CARMIL2: variants seen among roughly 807,000 people sequenced by gnomAD.
CARMIL2 encodes the protein capping protein regulator and myosin 1 linker 2, also known as capping protein, Arp2/3 and myosin-I linker protein 2.
A neutral mutation model predicts 173.3 loss-of-function variants in CARMIL2; 96 were observed. That is an observed-to-expected ratio of 0.55 (90% CI 0.47 to 0.66). CARMIL2 has a LOEUF of 0.66. Among genes scored for constraint, CARMIL2 ranks in the 30% least tolerant of loss-of-function variants. The probability of loss-of-function intolerance (pLI) is 0.00; values close to 1 mark genes in which losing one functional copy is unlikely to be tolerated. For missense variants in CARMIL2, 1,771 were observed against 1,906.7 expected (o/e 0.93, Z 1.33); for synonymous variants, 830 against 817.1 (o/e 1.02, Z -0.27).
chr16:67,649,922 A>AG lies in CARMIL2; in HGVS notation c.2038dup (p.Ala680GlyfsTer32). On this transcript the variant is annotated frameshift_variant, in exon 21 of 38. Coordinates refer to ENST00000334583, the MANE Select transcript of CARMIL2 (RefSeq NM_001013838.3). LOFTEE classifies it high-confidence loss of function. The surrounding 1 kb of genome is among the most constrained non-coding windows in gnomAD (Gnocchi z 6.7). ...CCTCTGCCACTGAACGACGTGGCCC[A>AG]GGCGCAGCGCAGCCGCCCGGAACTG... The AG allele has an allele frequency of 6.2e-7, 1 of 1,613,224 alleles. No individual in the cohort carries two copies. The highest frequency in any genetic ancestry group is 8.5e-7 in the Non-Finnish European group (1 of 1,179,830).
chr16:67,650,295 T>C, intron 22 of CARMIL2, 145 bp downstream of exon 22: 1 of 659,680 alleles, frequency 1.5e-6, no homozygotes, highest in East Asian at 2.7e-5. Flanking sequence ...CTCCTTGATC[T>C]GGAGGCGGCT....
rs2142919428 is a variant in CARMIL2, at chr16:67,648,272, G to C, written c.1292G>C (p.Ser431Thr). 4 of 1,598,986 alleles carry C rather than the reference G, an allele frequency of 2.5e-6. No homozygotes were observed. The South Asian group carries it at 4.4e-5, about 18-fold the overall frequency. The change falls in exon 14 of 38, where the codon AGC (serine) becomes ACC (threonine). Residue 431 changes from serine (S) to threonine (T), a missense_variant. Around this residue, in one of 3 missense-constraint regions of CARMIL2, gnomAD observed 944 missense variants for 975.6 expected, o/e 0.97. Transcript: ENST00000334583. The surrounding 1 kb of genome is among the most constrained non-coding windows in gnomAD (Gnocchi z 6.1). ...FAAVSRGCCT[S>T]LTHLDASRNV... ...GCGGTATCCCGAGGCTGCTGCACCA[G>C]CCTTACCCACCTCGACGCTTCGAGG...
At chr16:67,645,896 C>T in intron 3 of CARMIL2, 119 bp downstream of exon 3, 2 of 1,554,786 alleles carry the variant, frequency 1.3e-6, no homozygotes, top group Non-Finnish European at 1.8e-6. Context: ...GCACTGGGCT[C>T]TGGGCAGCCG....
chr16:67,649,198 C>T lies in CARMIL2; in HGVS notation c.1688+26C>T. 1.2e-6 allele frequency: 2 copies of T among 1,612,838 alleles called. No homozygotes were observed. Among genetic ancestry groups the T allele is most frequent in the East Asian group, 2.2e-5 (1 of 44,858 alleles). ...GTGAGCCCCCACCCTACTCCTGGGC[C>T]TCCCAGACAACACCCCACCACCCCT... On this transcript the variant is annotated intron_variant, in intron 18 of 37. Coordinates refer to ENST00000334583, the MANE Select transcript of CARMIL2 (RefSeq NM_001013838.3). This position sits in a 1 kb window ranked among gnomAD's most constrained non-coding sequence, Gnocchi z 6.7.
intron 12 of CARMIL2, 37 bp downstream of exon 12, chr16:67,647,803 T>TGGGGGGGGGGGGGGGGGGGGG: frequency 1.2e-5 from 3 of 258,356 alleles, no homozygotes; most frequent in Non-Finnish European, 1.9e-5. Flanking sequence ...GGGAGGGGGG[T>TGGGGGGGGGGGGGGGGGGGGG]GGGGGTCTGT....
Position 67,648,836 on chromosome 16 carries a change from C to T in CARMIL2, c.1510-57C>T. On this transcript the variant is annotated intron_variant, in intron 16 of 37. Transcript: ENST00000334583. The surrounding 1 kb of genome is among the most constrained non-coding windows in gnomAD (Gnocchi z 6.1). ...GGGCAGGGCCGTGGGCCGCCTGCCC[C>T]TCCCCACTCGCGGCCTAAGTGGGTC... 1.3e-6 allele frequency: 2 copies of T among 1,570,296 alleles called. No individual in the cohort carries two copies. The highest frequency in any genetic ancestry group is 1.2e-5 in the South Asian group (1 of 86,116).
At position 67,647,913 on chromosome 16, in the gene CARMIL2, C is replaced by A; in HGVS notation, c.1026C>A (p.Asp342Glu). 1.2e-6 allele frequency: 2 copies of A among 1,611,468 alleles called. No individual in the cohort carries two copies. The highest frequency in any genetic ancestry group is 1.7e-4 in the Middle Eastern group (1 of 6,036). ...AAFDSTLTHL[D>E]LSGNPGALGA... ...TCGACTCCACCCTGACCCACCTGGA[C>A]CTTTCTGGGAATCCTGGGGCGCTGG... The change falls in exon 13 of 38, where the codon GAC (aspartate) becomes GAA (glutamate). Residue 342 changes from aspartate (D) to glutamate (E), a missense_variant. Physicochemically the swap from Asp to Glu is conservative, Grantham distance 45. Around this residue, in one of 3 missense-constraint regions of CARMIL2, gnomAD observed 944 missense variants for 975.6 expected, o/e 0.97. Coordinates refer to ENST00000334583, the MANE Select transcript of CARMIL2 (RefSeq NM_001013838.3).
Position 67,657,076 on chromosome 16 carries a change from G to A in CARMIL2, c.4118-163G>A. The A allele has an allele frequency of 6.4e-6, 5 of 781,582 alleles. No homozygotes were observed. The highest frequency in any genetic ancestry group is 1.0e-5 in the Non-Finnish European group (5 of 479,114). 48.4% of individuals were successfully genotyped at this position (781,582 alleles called of 1,614,324 possible). On this transcript the variant is annotated intron_variant, in intron 36 of 37. Transcript: ENST00000334583. The surrounding 1 kb of genome is among the most constrained non-coding windows in gnomAD (Gnocchi z 4.5). ...ACTAGCACTGGCTCCACTTCCCGAA[G>A]AGCAGCCTCTGCCAGGGGTGAGGAC...
Position 67,652,369 on chromosome 16 carries a change from A to G in CARMIL2, c.2817+30A>G. On this transcript the variant is annotated intron_variant, in intron 27 of 37. Transcript: ENST00000334583. The surrounding 1 kb of genome is among the most constrained non-coding windows in gnomAD (Gnocchi z 4.7). ...GTGGTTTTAGAACACGGGGCATGGC[A>G]CTCCCAGTCTTCCCATCTTGCTGTG... 1 of 1,612,332 alleles carries G rather than the reference A, an allele frequency of 6.2e-7. No homozygotes were observed. Among genetic ancestry groups the G allele is most frequent in the Non-Finnish European group, 8.5e-7 (1 of 1,179,070 alleles).
Position 67,650,230 on chromosome 16 carries a change from T to C in CARMIL2, c.2184+80T>C, listed in dbSNP as rs2052699138. ...CCGGGAGCCTCCATGAGTCAGAGGG[T>C]CTGACTTTCCTGGGGCCAGGGTGCC... On this transcript the variant is annotated intron_variant, in intron 22 of 37. Transcript: ENST00000334583. 2.0e-5 allele frequency: 25 copies of C among 1,242,570 alleles called. No homozygotes were observed. In the South Asian group the frequency reaches 2.2e-4, roughly 11 times the overall value. The allele number at this position is 1,242,570 out of a possible 1,614,324, so 77.0% of individuals were successfully genotyped here.
chr16:67,657,232 C>G lies in CARMIL2; in HGVS notation c.4118-7C>G, dbSNP rs752094175. The G allele has an allele frequency of 1.1e-5, 17 of 1,613,274 alleles. No homozygotes were observed. The East Asian group carries it at 3.3e-4, about 32-fold the overall frequency. The stretch of plus-strand genomic sequence containing the variant: ...CAACCCACCCCAAGCCTTTCTGTGT[C>G]CCTTAGAACGGCCCCTGAGGCTGCA... On this transcript the variant is annotated splice_polypyrimidine_tract_variant and splice_region_variant and intron_variant, in intron 36 of 37. Coordinates refer to ENST00000334583, the MANE Select transcript of CARMIL2 (RefSeq NM_001013838.3). This position sits in a 1 kb window ranked among gnomAD's most constrained non-coding sequence, Gnocchi z 4.5.
At chr16:67,650,396 T>A in intron 22 of CARMIL2, 1 of 561,546 alleles carries the variant, frequency 1.8e-6, no homozygotes, top group African/African-American at 1.9e-5. Flanking sequence ...GGAATTTTTA[T>A]GTCCTTCCTC....
chr16:67,656,124 GC>G, intron 33 of CARMIL2, 57 bp downstream of exon 33: 1 of 1,609,770 alleles, frequency 6.2e-7, no homozygotes, highest in East Asian at 2.2e-5. Flanking sequence ...CTTATAGACA[GC>G]CCCCAAGGCA....
chr16:67,655,991 A>T, intron 32 of CARMIL2, 40 bp from the exon 33 acceptor site: 4 of 1,562,450 alleles, frequency 2.6e-6, no homozygotes, highest in Non-Finnish European at 3.5e-6. Flanking sequence ...GGGTGTGGGG[A>T]GCGGGCAGGG....
chr16:67,652,097 TG>T lies in CARMIL2; in HGVS notation c.2676+93del. 6.2e-7 allele frequency: 1 copy of T among 1,600,628 alleles called. No individual in the cohort carries two copies. ...CTTGCAGGGGCTCTGTAATGTCTTC[TG>T]GGGTCATGTAGCCCAGGGCTATTTC... is the stretch of plus-strand genomic sequence containing the variant. On this transcript the variant is annotated intron_variant, in intron 26 of 37. Coordinates refer to ENST00000334583, the MANE Select transcript of CARMIL2 (RefSeq NM_001013838.3). This position sits in a 1 kb window ranked among gnomAD's most constrained non-coding sequence, Gnocchi z 4.7.
Position 67,648,531 on chromosome 16 carries a change from G to A in CARMIL2, c.1439+29G>A. 2 of 1,456,998 alleles carry A rather than the reference G, an allele frequency of 1.4e-6. No individual in the cohort carries two copies. Among genetic ancestry groups the A allele is most frequent in the Non-Finnish European group, 9.1e-7 (1 of 1,095,126 alleles). The allele number at this position is 1,456,998 out of a possible 1,614,324, so 90.3% of individuals were successfully genotyped here. ...AGTGTCGGACCCCGGCCACGCCCCC[G>A]CGGGCGCTCCCACCCTGCCCTGGCC... On this transcript the variant is annotated intron_variant, in intron 15 of 37. Coordinates refer to ENST00000334583, the MANE Select transcript of CARMIL2 (RefSeq NM_001013838.3). This position sits in a 1 kb window ranked among gnomAD's most constrained non-coding sequence, Gnocchi z 6.1.
chr16:67,649,636 G>A lies in CARMIL2; in HGVS notation c.1919+17G>A. 2 of 1,582,166 alleles carry A rather than the reference G, an allele frequency of 1.3e-6. No homozygotes were observed. Among genetic ancestry groups the A allele is most frequent in the Non-Finnish European group, 8.6e-7 (1 of 1,169,132 alleles). On this transcript the variant is annotated intron_variant, in intron 20 of 37. Coordinates refer to ENST00000334583, the MANE Select transcript of CARMIL2 (RefSeq NM_001013838.3). This position sits in a 1 kb window ranked among gnomAD's most constrained non-coding sequence, Gnocchi z 6.7. ...GAGGCTCCGGTGGGCGGGGTCAGAG[G>A]GGTGGGACCAGCGGGCAGGGGGCGC...
chr16:67,648,705 C>T lies in CARMIL2; in HGVS notation c.1460C>T (p.Ala487Val). ...DALRALLDGL[A>V]LNTHLRDLHL... The stretch of plus-strand genomic sequence containing the variant: ...CCCAGAGCCCTTTTGGATGGCCTCG[C>T]GCTCAACACGCACCTCCGCGACCTG... The change falls in exon 16 of 38, where the codon GCG (alanine) becomes GTG (valine). Residue 487 changes from alanine (A) to valine (V), a missense_variant. Coordinates refer to ENST00000334583, the MANE Select transcript of CARMIL2 (RefSeq NM_001013838.3). This position sits in a 1 kb window ranked among gnomAD's most constrained non-coding sequence, Gnocchi z 6.1. 8 of 1,606,942 alleles carry T rather than the reference C, an allele frequency of 5.0e-6. No homozygotes were observed. Among genetic ancestry groups the T allele is most frequent in the Non-Finnish European group, 6.8e-6 (8 of 1,177,076 alleles).
Position 67,645,540 on chromosome 16 carries a change from G to T in CARMIL2, c.41G>T (p.Gly14Val). 6.3e-7 allele frequency: 1 copy of T among 1,598,142 alleles called. No homozygotes were observed. The highest frequency in any genetic ancestry group is 8.5e-7 in the Non-Finnish European group (1 of 1,172,644). Residue 14 changes from glycine to valine, a missense_variant and splice_region_variant, in exon 2 of 38, where the codon GGC becomes GTC. By Grantham distance (109) the Gly-to-Val change is moderately radical. This residue lies in a region of CARMIL2 where 944 missense variants were observed against 975.6 expected (regional missense o/e 0.97). Transcript: ENST00000334583. ...CACCCAGCAGGCTGCCCTTCCACAG[G>T]CGAGATCACCAGGTTCCTGTGGCCC... ...TPDGISCELR[G>V]EITRFLWPKE...
Sources: gnomAD v4.1 joint callset for allele counts on GRCh38, gnomAD v4.1.1 for gene constraint, gnomAD v4.1.1 regional missense constraint, Gnocchi (gnomAD v3.1) non-coding constraint, MANE v1.5 for transcripts, NCBI Gene and HGNC (gene_info 2026-07-23, HGNC 2026-07-21) for gene names.